Variants in TMEM68 observed in about 807,000 individuals in gnomAD.
The protein encoded by TMEM68 is transmembrane protein 68.
TMEM68 carries 25 observed loss-of-function variants against 36.9 expected under a neutral mutation model. The ratio of observed to expected loss-of-function variants is 0.68; its 90% CI spans 0.49 to 0.95. The LOEUF is 0.95. Among genes scored for constraint, TMEM68 ranks in the 40% least tolerant of loss-of-function variants. The pLI, the probability that TMEM68 is intolerant of heterozygous loss-of-function variation, is 0.00. For synonymous variants in TMEM68, 131 were observed against 124.4 expected, an observed-to-expected ratio of 1.05 and a Z score of -0.35; for missense variants, 333 against 392.0, an observed-to-expected ratio of 0.85 and a Z score of 1.27.
In TMEM68 at chr8:55,762,634, C is replaced by A; in HGVS notation, c.325+1G>T. 6.2e-7 allele frequency: 1 copy of A among 1,614,138 alleles called. No individual in the cohort carries two copies. The highest frequency in any genetic ancestry group is 8.5e-7 in the Non-Finnish European group (1 of 1,180,018). On this transcript the variant is annotated splice_donor_variant, in intron 3 of 7. Transcript: ENST00000434581. LOFTEE classifies it high-confidence loss of function. Reference sequence around the variant, plus strand: ...ACAAAGGTGAAAGTATCCTTGCTTACCATGCCAAACGGCTGCATGTCCATC... The same window carrying A: ...ACAAAGGTGAAAGTATCCTTGCTTAACATGCCAAACGGCTGCATGTCCATC...
At position 55,743,567 on chromosome 8, in the gene TMEM68, CA is replaced by C; in HGVS notation, c.801del (p.Tyr267Ter). On this transcript the variant is annotated frameshift_variant, in exon 7 of 8. Transcript: ENST00000434581. LOFTEE classifies it high-confidence loss of function. ...GTCCGTAACTTCACTGGAAAACCTC[CA>C]TACATTGGAGCAAATGGATAGCGGA... ...EKFRYPFAPM[Y>X]GGFPVKLRTY... 6.5e-7 allele frequency: 1 copy of C among 1,535,942 alleles called. No individual in the cohort carries two copies. Among genetic ancestry groups the C allele is most frequent in the Non-Finnish European group, 8.7e-7 (1 of 1,146,814 alleles).
At chr8:55,741,988 G>A (rs956966688) in intron 7 of TMEM68, among the ~76,000 whole-genome samples, 9 of 152,208 alleles carry the variant, frequency 5.9e-5, no homozygotes, top group South Asian at 4.1e-4. Context: ...TCTGGGAGAC[G>A]GAGGTTGCAT....
chr8:55,751,501 G>A (rs1306874793), intron 4 of TMEM68: 2 of 442,740 alleles, frequency 4.5e-6, no homozygotes, highest in African/African-American at 4.1e-5. Context: ...ATGGGATTCA[G>A]AAATGATATC....
chr8:55,748,976 C>T (rs1810360705), intron 5 of TMEM68, among the ~76,000 whole-genome samples: 1 of 152,198 alleles, frequency 6.6e-6, no homozygotes, highest in Non-Finnish European at 1.5e-5. Flanking sequence ...GTGAAAGTTA[C>T]TTACCATGTT....
chr8:55,754,956 C>T (rs200744920), intron 4 of TMEM68, among the ~76,000 whole-genome samples: 108,190 of 135,712 alleles, frequency 0.8, 43,757 homozygotes, highest in East Asian at 0.98. Flanking sequence ...CACACACACA[C>T]ACACACACAC....
chr8:55,771,729 C>G (rs186059794), intron 1 of TMEM68, among the ~76,000 whole-genome samples: 1 of 152,234 alleles, frequency 6.6e-6, no homozygotes, highest in East Asian at 1.9e-4. Flanking sequence ...TCTGAAAATG[C>G]CAATTAAAAG....
intron 3 of TMEM68, 126 bp downstream of exon 3, chr8:55,762,507 CAG>C: frequency 1.3e-6 from 2 of 1,501,792 alleles, no homozygotes; most frequent in Non-Finnish European, 1.8e-6. Flanking sequence ...AAACAGGTAA[CAG>C]GGAATAGTAA....
intron 4 of TMEM68, among the ~76,000 whole-genome samples, chr8:55,752,557 C>A (rs1409774827): frequency 1.3e-5 from 2 of 152,036 alleles, no homozygotes; most frequent in African/African-American, 4.8e-5. Flanking sequence ...CACTGCACTC[C>A]AACCTGGGCA....
intron 3 of TMEM68, among the ~76,000 whole-genome samples, chr8:55,757,007 G>C (rs1440444520): frequency 6.6e-6 from 1 of 152,024 alleles, no homozygotes; most frequent in East Asian, 1.9e-4. Flanking sequence ...ATGGGAGATG[G>C]GTTACACACA....
At position 55,762,897 on chromosome 8, in the gene TMEM68, C is replaced by T; in HGVS notation, c.63G>A (p.Leu21=). 6.2e-7 allele frequency: 1 copy of T among 1,614,098 alleles called. No homozygotes were observed. The highest frequency in any genetic ancestry group is 8.5e-7 in the Non-Finnish European group (1 of 1,180,010). ...CAAACCATTCTTCGAGTATGTGAAT[C>T]AGACAAATCATATAGGGCACAGAAT... ...GQDSVPYMIC[L]IHILEEWFGV... Residue 21 remains leucine, a synonymous_variant, in exon 3 of 8, where the codon CTG becomes CTA. Transcript: ENST00000434581.
intron 3 of TMEM68, among the ~76,000 whole-genome samples, chr8:55,759,676 T>C (rs1346885373): frequency 6.6e-6 from 1 of 152,208 alleles, no homozygotes; most frequent in Admixed American, 6.5e-5. Flanking sequence ...TACACTGTTA[T>C]ATATACACAG....
chr8:55,754,357 G>T (rs1224099571), intron 4 of TMEM68, among the ~76,000 whole-genome samples: 5 of 149,644 alleles, frequency 3.3e-5, no homozygotes, highest in African/African-American at 1.2e-4. Flanking sequence ...CTACTTGGGA[G>T]GCTGAGGTAC....
intron 7 of TMEM68, among the ~76,000 whole-genome samples, chr8:55,740,659 A>G (rs1254759129): frequency 6.6e-6 from 1 of 152,210 alleles, no homozygotes; most frequent in Non-Finnish European, 1.5e-5. Context: ...AATTTCGAGT[A>G]GGCAAATGGA....
chr8:55,764,847 T>C (rs6415682), intron 1 of TMEM68, among the ~76,000 whole-genome samples: 132,925 of 152,148 alleles, frequency 0.87, 58,131 homozygotes, highest in East Asian at 0.99. Flanking sequence ...CCAAGGCAGG[T>C]GGATCACCTG....
intron 4 of TMEM68, chr8:55,751,586 C>CTACG: frequency 2.5e-6 from 1 of 397,092 alleles, no homozygotes; most frequent in South Asian, 1.9e-5. Context: ...GTGAATCAAA[C>CTACG]TACGCTTAGC....
intron 3 of TMEM68, among the ~76,000 whole-genome samples, chr8:55,757,733 A>C (rs1810650712): frequency 6.6e-6 from 1 of 152,172 alleles, no homozygotes; most frequent in Admixed American, 6.6e-5. Flanking sequence ...GAAGGGGAAG[A>C]AGCAAAATAT....
intron 3 of TMEM68, 90 bp from the exon 4 acceptor site, chr8:55,756,501 A>G: frequency 6.3e-6 from 7 of 1,117,150 alleles, no homozygotes; most frequent in Non-Finnish European, 8.7e-6. Context: ...TTTTCTCACA[A>G]AAGTACACTA....
intron 5 of TMEM68, among the ~76,000 whole-genome samples, chr8:55,748,696 T>A (rs1226363338): frequency 6.7e-6 from 1 of 148,658 alleles, no homozygotes; most frequent in Non-Finnish European, 1.5e-5. Flanking sequence ...AACCTCTGCC[T>A]CCCAGGCTCC....
intron 5 of TMEM68, among the ~76,000 whole-genome samples, chr8:55,749,897 AT>A (rs1231180760): frequency 1.3e-4 from 20 of 152,226 alleles, no homozygotes; most frequent in Admixed American, 6.5e-4. Context: ...TAAATTAATT[AT>A]CTGGAAACTC....
Sources: allele counts gnomAD v4.1 joint callset (sites outside exome capture counted in the v4.1 genomes callset), GRCh38; gene constraint gnomAD v4.1.1; transcripts MANE v1.5; gene names NCBI Gene and HGNC (gene_info 2026-07-23, HGNC 2026-07-21).